The following BMP7 variants were observed in gnomAD, a reference collection of about 807,000 sequenced individuals.
BMP7 encodes bone morphogenetic protein 7.
Under a neutral mutation model 41.2 loss-of-function variants are expected in BMP7, and 12 were observed. The observed-to-expected ratio is 0.29, with a 90% CI of 0.19 to 0.47. The LOEUF is 0.47. Ranked by LOEUF, BMP7 falls within the 20% of genes least tolerant of loss-of-function variation. The probability of loss-of-function intolerance (pLI) is 0.99; values close to 1 mark genes in which losing one functional copy is unlikely to be tolerated. For missense variants in BMP7, 467 were observed against 606.0 expected (o/e 0.77, Z 2.41); for synonymous variants, 248 against 250.0 (o/e 0.99, Z 0.07).
chr20:57,227,283 C>T (rs1394208719), intron 2 of BMP7, among the ~76,000 whole-genome samples: 2 of 152,218 alleles, frequency 1.3e-5, no homozygotes, highest in Admixed American at 1.3e-4. Flanking sequence ...TAAGCCACCA[C>T]TTCTGAAGGC....
At chr20:57,218,080 G>A (rs2123107248) in intron 2 of BMP7, among the ~76,000 whole-genome samples, 1 of 152,378 alleles carries the variant, frequency 6.6e-6, no homozygotes, top group South Asian at 2.1e-4. Context: ...ATGGGCATCT[G>A]ACCCGTGCAG....
chr20:57,173,396 G>A (rs745784460), intron 5 of BMP7, 86 bp from the exon 6 acceptor site: 30 of 1,327,990 alleles, frequency 2.3e-5, no homozygotes, highest in Non-Finnish European at 2.9e-5. Flanking sequence ...AAACCACCAC[G>A]CCAGGCTCAC....
At chr20:57,255,830 A>G (rs547184043) in intron 1 of BMP7, among the ~76,000 whole-genome samples, 2 of 151,066 alleles carry the variant, frequency 1.3e-5, no homozygotes, top group African/African-American at 4.9e-5. Flanking sequence ...AAAAAGAAAG[A>G]AAGAAAAAGG....
At chr20:57,209,278 T>A (rs1984824503) in intron 2 of BMP7, among the ~76,000 whole-genome samples, 1 of 138,528 alleles carries the variant, frequency 7.2e-6, no homozygotes, top group Non-Finnish European at 1.5e-5. Context: ...TATATATATA[T>A]ATATATATGT....
At chr20:57,193,203 A>G (rs967560963) in intron 3 of BMP7, among the ~76,000 whole-genome samples, 2 of 152,182 alleles carry the variant, frequency 1.3e-5, no homozygotes. Flanking sequence ...CCCAGCTTCA[A>G]TCGGGATACA....
Position 57,174,780 on chromosome 20 carries a change from C to A in BMP7, c.1035+151G>T. ...CGGATTTCATGAGGCCTCCCTGTAT[C>A]CTTAGCCCAAGTCCCCTTCCCTAGC... is the stretch of plus-strand genomic sequence containing the variant. On this transcript the variant is annotated intron_variant, in intron 5 of 6. Transcript: ENST00000395863. The surrounding 1 kb of genome is among the most constrained non-coding windows in gnomAD (Gnocchi z 4.3). The A allele has an allele frequency of 1.2e-6, 1 of 849,760 alleles. No individual in the cohort carries two copies. The highest frequency in any genetic ancestry group is 1.9e-6 in the Non-Finnish European group (1 of 524,084). The allele number at this position is 849,760 out of a possible 1,614,324, so 52.6% of individuals were successfully genotyped here.
chr20:57,183,113 T>C (rs755187645), intron 4 of BMP7, among the ~76,000 whole-genome samples: 6 of 152,078 alleles, frequency 3.9e-5, no homozygotes, highest in Non-Finnish European at 5.9e-5. Context: ...TGCACACCTG[T>C]AGTCCCAGCT....
intron 5 of BMP7, 81 bp from the exon 6 acceptor site, chr20:57,173,391 A>C: frequency 7.3e-7 from 1 of 1,370,588 alleles, no homozygotes; most frequent in Non-Finnish European, 1.0e-6. Flanking sequence ...GCCAGAAACC[A>C]CCACGCCAGG....
chr20:57,171,583 G>A lies in BMP7; in HGVS notation c.1147-475C>T, dbSNP rs1045426300. On this transcript the variant is annotated intron_variant, in intron 6 of 6. Coordinates refer to ENST00000395863, the MANE Select transcript of BMP7 (RefSeq NM_001719.3). The surrounding 1 kb of genome is among the most constrained non-coding windows in gnomAD (Gnocchi z 4.5). The stretch of plus-strand genomic sequence containing the variant: ...AAATAGACCGAGGTAAGACAATAGG[G>A]AATAGTGGGGACTAAGGCAAACTAA... Among the ~76,000 whole-genome samples, 4 of 152,192 alleles carry A rather than the reference G, an allele frequency of 2.6e-5. No homozygotes were observed. The highest frequency in any genetic ancestry group is 9.6e-5 in the African/African-American group (4 of 41,456).
At chr20:57,251,325 G>C (rs2123142659) in intron 1 of BMP7, among the ~76,000 whole-genome samples, 1 of 152,326 alleles carries the variant, frequency 6.6e-6, no homozygotes, top group East Asian at 1.9e-4. Context: ...AGCGGTGGGG[G>C]CTCTGCAGTC....
At chr20:57,257,268 AC>A (rs2066137513) in intron 1 of BMP7, among the ~76,000 whole-genome samples, 1 of 152,244 alleles carries the variant, frequency 6.6e-6, no homozygotes, top group Non-Finnish European at 1.5e-5. Context: ...GAAATTTGGG[AC>A]CAGGCCTTTA....
intron 1 of BMP7, among the ~76,000 whole-genome samples, chr20:57,252,521 C>G (rs75699864): frequency 0.027 from 4,097 of 152,310 alleles, 78 homozygotes; most frequent in Non-Finnish European, 0.041. Context: ...AAAGAGGGGC[C>G]AGTCCTCGAT....
At chr20:57,233,831 A>G (rs762502719) in intron 1 of BMP7, among the ~76,000 whole-genome samples, 1 of 152,124 alleles carries the variant, frequency 6.6e-6, no homozygotes, top group African/African-American at 2.4e-5. Flanking sequence ...GCCGTGGGAC[A>G]GTATTTAACA....
intron 3 of BMP7, among the ~76,000 whole-genome samples, chr20:57,189,850 G>A (rs1418715103): frequency 1.3e-5 from 2 of 152,240 alleles, no homozygotes; most frequent in African/African-American, 4.8e-5. Flanking sequence ...ACCACCCTGG[G>A]AGCTGACTGG....
At chr20:57,200,265 A>G (rs903217373) in intron 3 of BMP7, among the ~76,000 whole-genome samples, 3 of 152,226 alleles carry the variant, frequency 2.0e-5, no homozygotes, top group Non-Finnish European at 4.4e-5. Flanking sequence ...GATGAGACAC[A>G]TTAAGTGACT....
chr20:57,231,018 C>T (rs1008521782), intron 1 of BMP7, among the ~76,000 whole-genome samples: 5 of 152,156 alleles, frequency 3.3e-5, no homozygotes, highest in Admixed American at 6.5e-5. Flanking sequence ...ATACGTGTAG[C>T]GTGTGTGTAA....
chr20:57,196,957 G>A (rs988546166), intron 3 of BMP7, among the ~76,000 whole-genome samples: 14 of 151,502 alleles, frequency 9.2e-5, no homozygotes, highest in East Asian at 3.9e-4. Flanking sequence ...GCTGGAGTGC[G>A]GTAGTATGAT....
intron 2 of BMP7, among the ~76,000 whole-genome samples, chr20:57,227,440 G>C (rs1188048703): frequency 6.9e-6 from 1 of 144,924 alleles, no homozygotes; most frequent in African/African-American, 2.5e-5. Context: ...TAGCTGTGAT[G>C]GTTCTTCTGT....
At chr20:57,230,614 C>T (rs1021846259) in intron 1 of BMP7, among the ~76,000 whole-genome samples, 1 of 151,180 alleles carries the variant, frequency 6.6e-6, no homozygotes, top group Non-Finnish European at 1.5e-5. Flanking sequence ...AACCACCATG[C>T]ATCTCTGTGG....
Sources: allele counts gnomAD v4.1 joint callset (sites outside exome capture counted in the v4.1 genomes callset), GRCh38; gene constraint gnomAD v4.1.1; non-coding constraint Gnocchi (gnomAD v3.1); transcripts MANE v1.5; gene names NCBI Gene and HGNC (gene_info 2026-07-23, HGNC 2026-07-21).